Variants in FRMPD1 observed in about 807,000 individuals in gnomAD.
FRMPD1 encodes the protein FERM and PDZ domain-containing protein 1.
A neutral mutation model predicts 117.8 loss-of-function variants in FRMPD1; 76 were observed. That is an observed-to-expected ratio of 0.65 (90% CI 0.54 to 0.78). The LOEUF (loss-of-function observed/expected upper bound fraction) is 0.78, where lower values mean the gene tolerates loss of function less well. FRMPD1 is among the 30% of genes least tolerant of loss of function. The pLI, the probability that FRMPD1 is intolerant of heterozygous loss-of-function variation, is 0.00. For missense variants in FRMPD1, 1,786 were observed against 1,964.5 expected (o/e 0.91, Z 1.72); for synonymous variants, 783 against 770.4 (o/e 1.02, Z -0.27).
At chr9:37,624,425 T>C in the FRMPD1 span, among the ~76,000 whole-genome samples, 2 of 152,306 alleles carry the variant, frequency 1.3e-5, no homozygotes, top group East Asian at 1.9e-4. Context: ...AACCAACATA[T>C]AGTGCTACAT....
At chr9:37,708,596 A>G (rs1822799934) in intron 4 of FRMPD1, 95 bp downstream of exon 4, 1 of 787,684 alleles carries the variant, frequency 1.3e-6, no homozygotes, top group Non-Finnish European at 2.2e-6. Context: ...CCTGATTTTA[A>G]TAAGGCTAAG....
At chr9:37,648,725 C>T (rs1025502869), upstream of FRMPD1, among the ~76,000 whole-genome samples, 1 of 151,898 alleles carries the variant, frequency 6.6e-6, no homozygotes, top group Admixed American at 6.6e-5. Context: ...AGTTTAGGTG[C>T]CCAGAGGAAG....
chr9:37,606,753 T>G, the FRMPD1 span, among the ~76,000 whole-genome samples: 1 of 152,218 alleles, frequency 6.6e-6, no homozygotes, highest in African/African-American at 2.4e-5. Flanking sequence ...TCAGCTTGAC[T>G]GGCTCAGTTC....
intron 1 of FRMPD1, chr9:37,661,699 G>A (rs10973467): frequency 0.11 from 16,353 of 152,222 alleles, 1,365 homozygotes; most frequent in African/African-American, 0.23. Context: ...CCTTGTCTGG[G>A]CCTCAGTTTC....
intron 15 of FRMPD1, among the ~76,000 whole-genome samples, chr9:37,742,062 C>T (rs377674923): frequency 6.6e-6 from 1 of 152,220 alleles, no homozygotes; most frequent in Non-Finnish European, 1.5e-5. Flanking sequence ...CATCACTAGA[C>T]CGAGAACTCC....
chr9:37,622,060 G>T, the FRMPD1 span, among the ~76,000 whole-genome samples: 106 of 152,282 alleles, frequency 7.0e-4, 2 homozygotes, highest in Admixed American at 3.1e-3. Context: ...TTTTGCTTTA[G>T]CAGTAAAAGT....
intron 1 of FRMPD1, among the ~76,000 whole-genome samples, chr9:37,660,839 C>T (rs569555730): frequency 3.4e-4 from 52 of 152,288 alleles, no homozygotes; most frequent in African/African-American, 1.1e-3. Context: ...TCATTCAGTA[C>T]GGAGCCCAGA....
At chr9:37,697,944 G>A (rs570487359) in intron 2 of FRMPD1, among the ~76,000 whole-genome samples, 9 of 152,202 alleles carry the variant, frequency 5.9e-5, no homozygotes, top group South Asian at 2.1e-4. Context: ...GTGAAACCCC[G>A]TCTCTACTAA....
the FRMPD1 span, among the ~76,000 whole-genome samples, chr9:37,619,744 C>A: frequency 2.7e-5 from 4 of 147,562 alleles, no homozygotes; most frequent in Non-Finnish European, 5.9e-5. Context: ...GGCGACACAG[C>A]GAGACTCCAG....
At chr9:37,725,114 C>T (rs1449270229) in intron 7 of FRMPD1, among the ~76,000 whole-genome samples, 1 of 152,206 alleles carries the variant, frequency 6.6e-6, no homozygotes, top group Admixed American at 6.5e-5. Context: ...AATAGCAAAC[C>T]ATCCAGCAGG....
intron 8 of FRMPD1, 127 bp downstream of exon 8, chr9:37,729,980 G>A: frequency 1.0e-6 from 1 of 961,214 alleles, no homozygotes; most frequent in Non-Finnish European, 1.5e-6. Context: ...GCCCCAGAAG[G>A]CACAGAGCTC....
chr9:37,634,749 A>AT, the FRMPD1 span, among the ~76,000 whole-genome samples: 1 of 149,124 alleles, frequency 6.7e-6, no homozygotes, highest in Non-Finnish European at 1.5e-5. Flanking sequence ...AATTTTGGAG[A>AT]TTTTTTTTCT....
chr9:37,659,609 C>T (rs552122378), intron 1 of FRMPD1, among the ~76,000 whole-genome samples: 1 of 152,240 alleles, frequency 6.6e-6, no homozygotes, highest in South Asian at 2.1e-4. Flanking sequence ...TAGTGGAAGA[C>T]TTATGTCTTC....
chr9:37,619,603 C>T, the FRMPD1 span, among the ~76,000 whole-genome samples: 1 of 151,762 alleles, frequency 6.6e-6, no homozygotes, highest in East Asian at 1.9e-4. Context: ...ACTAAAAGTA[C>T]AAAAATTAGA....
chr9:37,745,342 C>T lies in FRMPD1; in HGVS notation c.3310C>T (p.Pro1104Ser). Residue 1104 changes from proline to serine, a missense_variant, in exon 16 of 16, where the codon CCA becomes TCA. Pro to Ser is a moderately conservative substitution (Grantham distance 74). Transcript: ENST00000377765. ...AGCTTCTATCCCTACAAAGGAAGAG[C>T]CACAAGGACAACTATCTCTGGAAAG... ...KIASIPTKEE[P>S]QGQLSLERDR... 1 of 1,612,698 alleles carries T rather than the reference C, an allele frequency of 6.2e-7. No homozygotes were observed. The highest frequency in any genetic ancestry group is 8.5e-7 in the Non-Finnish European group (1 of 1,178,722).
At chr9:37,695,641 C>T (rs550894535) in intron 2 of FRMPD1, among the ~76,000 whole-genome samples, 13 of 152,190 alleles carry the variant, frequency 8.5e-5, no homozygotes, top group East Asian at 7.7e-4. Flanking sequence ...TAAATAATTT[C>T]GTTTCCTAGG....
chr9:37,642,151 C>T, the FRMPD1 span, among the ~76,000 whole-genome samples: 2 of 152,164 alleles, frequency 1.3e-5, no homozygotes, highest in Non-Finnish European at 2.9e-5. Context: ...GTAGCAGAAC[C>T]CTCCCAGATT....
At chr9:37,650,911 G>C (rs1033879372), upstream of FRMPD1, 2 of 148,956 alleles carry the variant, frequency 1.3e-5, no homozygotes, top group South Asian at 2.1e-4. Flanking sequence ...GCGCGGGCGC[G>C]GCCCGGCCCG....
the FRMPD1 span, among the ~76,000 whole-genome samples, chr9:37,618,457 T>C: frequency 0.014 from 2,094 of 152,184 alleles, 43 homozygotes; most frequent in African/African-American, 0.049. Context: ...ATTGGTCTCC[T>C]TGTCTCTTTT....
Sources: gnomAD v4.1 joint callset for allele counts (sites outside exome capture counted in the v4.1 genomes callset) on GRCh38, gnomAD v4.1.1 for gene constraint, MANE v1.5 for transcripts, NCBI Gene and HGNC (gene_info 2026-07-23, HGNC 2026-07-21) for gene names.